The following IDE variants were observed in gnomAD, a reference collection of about 807,000 sequenced individuals.
The protein encoded by IDE is insulin degrading enzyme, also known as insulin-degrading enzyme.
IDE carries 58 observed loss-of-function variants against 133.2 expected under a neutral mutation model. That is an observed-to-expected ratio of 0.44 (90% confidence interval 0.35 to 0.54). The LOEUF (loss-of-function observed/expected upper bound fraction) is 0.54. Among genes scored for constraint, IDE ranks in the 20% least tolerant of loss-of-function variants. The pLI is 0.00. For synonymous variants in IDE, 396 were observed against 421.3 expected, an observed-to-expected ratio of 0.94 and a Z score of 0.73; for missense variants, 981 against 1,234.0, an observed-to-expected ratio of 0.79 and a Z score of 3.07.
intron 4 of IDE, among the ~76,000 whole-genome samples, chr10:92,517,100 GTTTAAT>G (rs1362056111): frequency 6.6e-6 from 1 of 152,066 alleles, no homozygotes; most frequent in East Asian, 1.9e-4. Context: ...TCTTGAAGTG[GTTTAAT>G]TTTTTTTTCT....
At chr10:92,523,340 G>A (rs758072951) in intron 4 of IDE, among the ~76,000 whole-genome samples, 18 of 151,764 alleles carry the variant, frequency 1.2e-4, no homozygotes, top group Admixed American at 7.2e-4. Flanking sequence ...GAGATCATGC[G>A]ACCGCACTCC....
rs186826884 is a variant in IDE, at chr10:92,562,383, A to G, written c.98+11539T>C. 2.6e-5 allele frequency among the ~76,000 whole-genome samples: 4 copies of G among 152,376 alleles called. No homozygotes were observed. In the East Asian group the frequency reaches 7.7e-4, roughly 29 times the overall value. ...AAAACTTGGTAGGATTAATAAAGATATTTGAAGCTACTTAGTCTGGTGGCT... is the reference window on the plus strand; with the variant it reads ...AAAACTTGGTAGGATTAATAAAGATGTTTGAAGCTACTTAGTCTGGTGGCT... On this transcript the variant is annotated intron_variant, in intron 1 of 24. Coordinates refer to ENST00000265986, the MANE Select transcript of IDE (RefSeq NM_004969.4).
chr10:92,455,025 A>C (rs1452768243), intron 24 of IDE, among the ~76,000 whole-genome samples: 1 of 152,046 alleles, frequency 6.6e-6, no homozygotes, highest in East Asian at 1.9e-4. Flanking sequence ...TGTGGCCAGA[A>C]ATGATCCATT....
chr10:92,540,407 C>T (rs1394924947), intron 1 of IDE, among the ~76,000 whole-genome samples: 1 of 152,254 alleles, frequency 6.6e-6, no homozygotes, highest in East Asian at 1.9e-4. Context: ...AACTTAGCAG[C>T]GACATAACAC....
At chr10:92,466,162 T>C (rs1271722229) in intron 19 of IDE, among the ~76,000 whole-genome samples, 1 of 150,870 alleles carries the variant, frequency 6.6e-6, no homozygotes, top group Non-Finnish European at 1.5e-5. Flanking sequence ...CCCCAGGAGT[T>C]TGAGGCTGCA....
chr10:92,458,493 T>TTTTG (rs1845159557), intron 22 of IDE, among the ~76,000 whole-genome samples: 1 of 77,112 alleles, frequency 1.3e-5, no homozygotes, highest in Non-Finnish European at 3.0e-5. Flanking sequence ...TCTCTCTGTT[T>TTTTG]TTTTTTTTTT....
At chr10:92,524,489 T>TATTA (rs1226419012) in intron 4 of IDE, among the ~76,000 whole-genome samples, 1 of 11,816 alleles carries the variant, frequency 8.5e-5, no homozygotes, top group Non-Finnish European at 1.8e-4. Context: ...ATATATTATA[T>TATTA]TATAATATAT....
chr10:92,501,991 T>C (rs1407854811), intron 11 of IDE, among the ~76,000 whole-genome samples: 1 of 151,140 alleles, frequency 6.6e-6, no homozygotes, highest in African/African-American at 2.4e-5. Flanking sequence ...AAAATAATAA[T>C]AAACAAACAG....
chr10:92,515,213 A>G (rs905672558), intron 4 of IDE, among the ~76,000 whole-genome samples, 171 bp from the exon 5 acceptor site: 3 of 152,196 alleles, frequency 2.0e-5, no homozygotes, highest in Non-Finnish European at 4.4e-5. Context: ...ATAGAGTACA[A>G]ACCAGCAACA....
At chr10:92,482,266 C>T (rs1357847138) in intron 14 of IDE, among the ~76,000 whole-genome samples, 2 of 152,094 alleles carry the variant, frequency 1.3e-5, no homozygotes, top group Non-Finnish European at 2.9e-5. Flanking sequence ...TTACAAACCA[C>T]TGAATTTTAG....
Position 92,498,522 on chromosome 10 carries a change from G to A in IDE, c.1430+6272C>T, listed in dbSNP as rs376505295. Among the ~76,000 whole-genome samples the A allele has an allele frequency of 1.3e-4, 20 of 152,228 alleles. No individual in the cohort carries two copies. In the East Asian group the frequency reaches 2.9e-3, roughly 22 times the overall value. ...TGTAATCCCAGCACTTTGGGAGGCC[G>A]AGGCAGGTGGATCACCTGAGGTCAG... On this transcript the variant is annotated intron_variant, in intron 11 of 24. Coordinates refer to ENST00000265986, the MANE Select transcript of IDE (RefSeq NM_004969.4).
intron 11 of IDE, among the ~76,000 whole-genome samples, chr10:92,490,947 G>C (rs1262200543): frequency 6.6e-6 from 1 of 152,114 alleles, no homozygotes; most frequent in South Asian, 2.1e-4. Flanking sequence ...CCTAAAAAAA[G>C]CAAAGAAGTT....
At chr10:92,555,902 G>C (rs530736880) in intron 1 of IDE, among the ~76,000 whole-genome samples, 1 of 152,132 alleles carries the variant, frequency 6.6e-6, no homozygotes, top group Non-Finnish European at 1.5e-5. Flanking sequence ...GGCCGGGCGC[G>C]GTGGCTCACG....
intron 3 of IDE, among the ~76,000 whole-genome samples, chr10:92,532,233 T>C (rs1849970860): frequency 6.7e-6 from 1 of 150,232 alleles, no homozygotes; most frequent in African/African-American, 2.5e-5. Flanking sequence ...ATTTGGTACG[T>C]CTATAAAAAC....
chr10:92,452,559 T>C lies in IDE; in HGVS notation c.*1885A>G, dbSNP rs1844797048. On this transcript the variant is annotated 3_prime_UTR_variant, in exon 25 of 25. Coordinates refer to ENST00000265986, the MANE Select transcript of IDE (RefSeq NM_004969.4). ...GAAAATGCTGACGCATACCAAACAA[T>C]TGCAGGTTCATGGAAGACTACATGA... The C allele has an allele frequency of 6.6e-6, 1 of 152,200 alleles. No individual in the cohort carries two copies. The highest frequency in any genetic ancestry group is 6.5e-5 in the Admixed American group (1 of 15,280). The allele number at this position is 152,200 out of a possible 1,614,324, so 9.4% of individuals were successfully genotyped here. A position where few individuals can be genotyped will look rare whatever the true frequency, so the allele number is the denominator to read the frequency against.
At chr10:92,470,705 A>C (rs1191633856) in intron 17 of IDE, among the ~76,000 whole-genome samples, 1 of 152,136 alleles carries the variant, frequency 6.6e-6, no homozygotes, top group Non-Finnish European at 1.5e-5. Context: ...AGACTTTTGA[A>C]GAGTACTGTT....
chr10:92,557,972 T>C (rs1843094948), intron 1 of IDE, among the ~76,000 whole-genome samples: 2 of 151,802 alleles, frequency 1.3e-5, no homozygotes, highest in East Asian at 1.9e-4. Context: ...AAAGATGAAG[T>C]TGGACTCTCA....
rs1225908118 is a variant in IDE at position 92,468,919 on chromosome 10, T to C, written c.2280A>G (p.Pro760=). Residue 760 remains proline (P), a synonymous_variant, in exon 19 of 25, where the codon CCA becomes CCG. Coordinates refer to ENST00000265986, the MANE Select transcript of IDE (RefSeq NM_004969.4). ...IEHAHTKPLL[P]SQLVRYREVQ... is the part of the protein sequence containing the mutation. Reference sequence around the variant, plus strand: ...CTTCTCTATACCGAACCAGCTGACTTGGAAGGAGAGGTTTGGTATGAGCAT... The same window carrying C: ...CTTCTCTATACCGAACCAGCTGACTCGGAAGGAGAGGTTTGGTATGAGCAT... 1 of 1,612,634 alleles carries C rather than the reference T, an allele frequency of 6.2e-7. No homozygotes were observed. The highest frequency in any genetic ancestry group is 8.5e-7 in the Non-Finnish European group (1 of 1,178,652).
At position 92,482,671 on chromosome 10, in the gene IDE, G is replaced by A. The variant is rs540333438; in HGVS notation, c.1739+584C>T. On this transcript the variant is annotated intron_variant, in intron 14 of 24. Transcript: ENST00000265986. ...CAGAATCCAAAACCCTGAAGGCTAAGAAGGTCATCCTAACAATAGCTAACA... is the reference window on the plus strand; with the variant it reads ...CAGAATCCAAAACCCTGAAGGCTAAAAAGGTCATCCTAACAATAGCTAACA... Among the ~76,000 whole-genome samples the A allele has an allele frequency of 3.3e-5, 5 of 151,742 alleles. No individual in the cohort carries two copies. The East Asian group carries it at 9.7e-4, about 29-fold the overall frequency.
Sources: gnomAD v4.1 joint callset for allele counts (sites outside exome capture counted in the v4.1 genomes callset) on GRCh38, gnomAD v4.1.1 for gene constraint, MANE v1.5 for transcripts, NCBI Gene and HGNC (gene_info 2026-07-23, HGNC 2026-07-21) for gene names.